The following AGPS variants were observed in gnomAD, a reference collection of about 807,000 sequenced individuals.
AGPS encodes the protein alkyldihydroxyacetonephosphate synthase, peroxisomal.
Under a neutral mutation model 90.7 loss-of-function variants are expected in AGPS, and 26 were observed. The observed-to-expected ratio is 0.29, with a 90% CI of 0.21 to 0.40. The LOEUF (loss-of-function observed/expected upper bound fraction) is 0.40. Among genes scored for constraint, AGPS ranks in the 10% least tolerant of loss-of-function variants. AGPS has a pLI of 1.00. For synonymous variants in AGPS, 294 were observed against 285.3 expected, an observed-to-expected ratio of 1.03 and a Z score of -0.31; for missense variants, 540 against 816.1, an observed-to-expected ratio of 0.66 and a Z score of 4.12.
chr2:177,457,348 C>G (rs910055275), intron 8 of AGPS, among the ~76,000 whole-genome samples: 11 of 152,124 alleles, frequency 7.2e-5, no homozygotes, highest in African/African-American at 2.7e-4. Flanking sequence ...CAGAGCAGAA[C>G]TGAAGGAGAT....
At chr2:177,409,793 C>G (rs555161764) in intron 1 of AGPS, among the ~76,000 whole-genome samples, 10 of 152,202 alleles carry the variant, frequency 6.6e-5, no homozygotes, top group Admixed American at 3.3e-4. Flanking sequence ...TTTGAAGAAC[C>G]ATTTATACTT....
intron 16 of AGPS, 42 bp from the exon 17 acceptor site, chr2:177,513,777 T>C: frequency 6.9e-7 from 1 of 1,450,676 alleles, no homozygotes; most frequent in Non-Finnish European, 9.7e-7. Context: ...TGTGTAGTTC[T>C]CACTTGAAAA....
intron 11 of AGPS, among the ~76,000 whole-genome samples, chr2:177,488,898 G>A (rs1263067073): frequency 2.0e-5 from 3 of 152,034 alleles, no homozygotes; most frequent in East Asian, 1.9e-4. Flanking sequence ...ATGACATTAC[G>A]TTAGCAGAAA....
chr2:177,398,435 G>C (rs1401194588), intron 1 of AGPS, among the ~76,000 whole-genome samples: 1 of 152,156 alleles, frequency 6.6e-6, no homozygotes, highest in African/African-American at 2.4e-5. Context: ...GTACATTACA[G>C]TTGAGGAACT....
At chr2:177,497,127 T>A (rs1273329124) in intron 12 of AGPS, among the ~76,000 whole-genome samples, 1 of 152,000 alleles carries the variant, frequency 6.6e-6, no homozygotes, top group Non-Finnish European at 1.5e-5. Flanking sequence ...TTAACAGACT[T>A]TGAGACTCCA....
intron 19 of AGPS, among the ~76,000 whole-genome samples, chr2:177,526,785 G>A (rs1398430093): frequency 6.6e-6 from 1 of 152,160 alleles, no homozygotes. Flanking sequence ...TATAGATGCT[G>A]AAACAGTGAA....
At chr2:177,437,079 T>C (rs1686436708) in intron 5 of AGPS, 25 bp downstream of exon 5, 2 of 1,601,940 alleles carry the variant, frequency 1.2e-6, no homozygotes, top group Non-Finnish European at 1.7e-6. Context: ...CCTCGTATCA[T>C]TAATTTAGTA....
At chr2:177,536,905 T>C (rs933254561) in intron 19 of AGPS, among the ~76,000 whole-genome samples, 3 of 152,194 alleles carry the variant, frequency 2.0e-5, no homozygotes, top group African/African-American at 7.2e-5. Flanking sequence ...AAAAGGCAGA[T>C]GCTATGATGT....
chr2:177,500,919 A>G (rs536877137), intron 14 of AGPS, among the ~76,000 whole-genome samples: 35 of 152,196 alleles, frequency 2.3e-4, no homozygotes, highest in African/African-American at 8.2e-4. Context: ...TGAAATGTAC[A>G]TGTTTTCCTT....
At chr2:177,426,611 A>G (rs1023336674) in intron 2 of AGPS, among the ~76,000 whole-genome samples, 16 of 152,142 alleles carry the variant, frequency 1.1e-4, no homozygotes, top group Admixed American at 2.6e-4. Context: ...GAGATGCTGA[A>G]TTTTATCTAA....
At chr2:177,501,720 T>G (rs897726120) in intron 14 of AGPS, among the ~76,000 whole-genome samples, 2 of 152,158 alleles carry the variant, frequency 1.3e-5, no homozygotes, top group African/African-American at 4.8e-5. Context: ...CAGGCTGGAG[T>G]GCAGTGGTGT....
intron 10 of AGPS, among the ~76,000 whole-genome samples, chr2:177,479,771 G>A (rs72935421): frequency 0.14 from 21,569 of 152,226 alleles, 2,083 homozygotes; most frequent in Middle Eastern, 0.23. Flanking sequence ...TAGGGTGTGG[G>A]AGTAGAAATG....
At chr2:177,470,298 T>C (rs1443589639) in intron 10 of AGPS, among the ~76,000 whole-genome samples, 1 of 152,210 alleles carries the variant, frequency 6.6e-6, no homozygotes, top group East Asian at 1.9e-4. Flanking sequence ...TTTCATGCCT[T>C]TTAAAATGAT....
intron 17 of AGPS, among the ~76,000 whole-genome samples, chr2:177,514,281 G>GTGTTTT: frequency 6.6e-6 from 1 of 152,132 alleles, no homozygotes; most frequent in Non-Finnish European, 1.5e-5. Flanking sequence ...AGTGAAGGCA[G>GTGTTTT]TGTTTTGTTG....
At chr2:177,521,169 T>G in intron 17 of AGPS, 100 bp from the exon 18 acceptor site, 2 of 1,032,898 alleles carry the variant, frequency 1.9e-6, no homozygotes, top group Non-Finnish European at 3.0e-6. Flanking sequence ...AGATTATATC[T>G]TAAACTAATC....
chr2:177,442,550 A>C, intron 7 of AGPS, 64 bp downstream of exon 7: 1 of 1,351,858 alleles, frequency 7.4e-7, no homozygotes. Context: ...AATTGTCATT[A>C]AAAAAGAATC....
intron 19 of AGPS, among the ~76,000 whole-genome samples, chr2:177,536,129 G>C (rs2079181742): frequency 6.6e-6 from 1 of 152,124 alleles, no homozygotes; most frequent in Non-Finnish European, 1.5e-5. Context: ...GTTCCTTGTG[G>C]AATTGCATTA....
At chr2:177,469,543 A>T (rs1687550600) in intron 10 of AGPS, among the ~76,000 whole-genome samples, 1 of 152,170 alleles carries the variant, frequency 6.6e-6, no homozygotes, top group African/African-American at 2.4e-5. Context: ...TACTCAGTTT[A>T]TTCCTTTTCT....
At chr2:177,394,275 C>A (rs1246328350) in intron 1 of AGPS, among the ~76,000 whole-genome samples, 2 of 152,220 alleles carry the variant, frequency 1.3e-5, no homozygotes, top group Non-Finnish European at 2.9e-5. Context: ...TAACTGGGAA[C>A]TATACCACCT....
Sources: gnomAD v4.1 joint callset for allele counts (sites outside exome capture counted in the v4.1 genomes callset) on GRCh38, gnomAD v4.1.1 for gene constraint, MANE v1.5 for transcripts, NCBI Gene and HGNC (gene_info 2026-07-23, HGNC 2026-07-21) for gene names.